Variants in CDH20 observed in about 807,000 individuals in gnomAD.
CDH20 encodes cadherin-20.
In CDH20, 29 loss-of-function variants were observed where a neutral mutation model predicts 74.2. The observed-to-expected ratio is 0.39, with a 90% confidence interval of 0.29 to 0.53. The LOEUF (loss-of-function observed/expected upper bound fraction) is 0.53, where lower values mean the gene tolerates loss of function less well. Ranked by LOEUF, CDH20 falls within the 20% of genes least tolerant of loss-of-function variation. The pLI is 0.69. For missense variants in CDH20, 988 were observed against 1,048.3 expected (o/e 0.94, Z 0.79); for synonymous variants, 469 against 405.4 (o/e 1.16, Z -1.88).
chr18:61,443,263 A>AT (rs1568141424), intron 1 of CDH20, among the ~76,000 whole-genome samples: 2 of 152,044 alleles, frequency 1.3e-5, no homozygotes, highest in Non-Finnish European at 2.9e-5. Context: ...TGGGCCAAAC[A>AT]TGTCCCTTGG....
At chr18:61,548,003 A>G (rs1300993114) in intron 10 of CDH20, among the ~76,000 whole-genome samples, 5 of 152,164 alleles carry the variant, frequency 3.3e-5, no homozygotes, top group Non-Finnish European at 5.9e-5. Flanking sequence ...CACCTGGATT[A>G]AACCAAAAAA....
chr18:61,414,102 C>A (rs981594233), intron 1 of CDH20, among the ~76,000 whole-genome samples: 3 of 152,108 alleles, frequency 2.0e-5, no homozygotes, highest in Non-Finnish European at 4.4e-5. Context: ...TTCTTGTAGA[C>A]TGCATGGTCC....
chr18:61,461,368 G>T (rs1326018754), intron 1 of CDH20, among the ~76,000 whole-genome samples: 2 of 149,778 alleles, frequency 1.3e-5, no homozygotes, highest in Non-Finnish European at 3.0e-5. Context: ...TATTTTCTCA[G>T]TTCTGGAAGG....
intron 1 of CDH20, among the ~76,000 whole-genome samples, chr18:61,397,020 G>A (rs1015565081): frequency 2.0e-5 from 3 of 152,256 alleles, no homozygotes; most frequent in Middle Eastern, 6.8e-3. Context: ...CTGTACTGGG[G>A]CACCAGAGTC....
Position 61,550,102 on chromosome 18 carries a change from C to T in CDH20, c.1773C>T (p.Thr591=), listed in dbSNP as rs769128970. The T allele has an allele frequency of 2.8e-5, 45 of 1,614,134 alleles. No individual in the cohort carries two copies. Among genetic ancestry groups the T allele is most frequent in the African/African-American group, 4.0e-5 (3 of 74,950 alleles). Residue 591 remains threonine (T), a synonymous_variant, in exon 11 of 12, where the codon ACC becomes ACT. Coordinates refer to ENST00000262717, the MANE Select transcript of CDH20 (RefSeq NM_031891.4). The part of the protein sequence containing the change: ...QPVLSSTGTL[T]IQVCSCDDDG... Reference sequence around the variant, plus strand: ...TGCTGAGCAGCACAGGCACACTGACCATCCAAGTGTGCAGCTGTGATGACG... The same window carrying T: ...TGCTGAGCAGCACAGGCACACTGACTATCCAAGTGTGCAGCTGTGATGACG...
chr18:61,405,925 C>T (rs1912315550), intron 1 of CDH20, among the ~76,000 whole-genome samples: 1 of 152,204 alleles, frequency 6.6e-6, no homozygotes, highest in African/African-American at 2.4e-5. Context: ...AAGGTCCCTT[C>T]TTTGTCTGTT....
chr18:61,358,177 T>C (rs966706747), intron 1 of CDH20, among the ~76,000 whole-genome samples: 2 of 151,126 alleles, frequency 1.3e-5, no homozygotes, highest in South Asian at 4.2e-4. Context: ...TGCAGTGGCA[T>C]GATGTCTGCT....
chr18:61,391,655 G>A (rs919924310), intron 1 of CDH20: 1 of 152,034 alleles, frequency 6.6e-6, no homozygotes, highest in African/African-American at 2.4e-5. Context: ...GATTAGCATG[G>A]CCCCTGCGCA....
chr18:61,448,722 T>A (rs1467633248), intron 1 of CDH20, among the ~76,000 whole-genome samples: 1 of 152,224 alleles, frequency 6.6e-6, no homozygotes, highest in Admixed American at 6.5e-5. Flanking sequence ...ATCACCTCCC[T>A]ATCCTGCCAA....
At position 61,540,655 on chromosome 18, in the gene CDH20, T is replaced by G. The variant is rs558424650; in HGVS notation, c.1530+1510T>G. On this transcript the variant is annotated intron_variant, in intron 9 of 11. Transcript: ENST00000262717. ...TCCCTCCCACAACATGTGGGAATTATGGGAGCTATAATTCAAGATGAGATT... is the reference window on the plus strand; with the variant it reads ...TCCCTCCCACAACATGTGGGAATTAGGGGAGCTATAATTCAAGATGAGATT... 3.9e-5 allele frequency among the ~76,000 whole-genome samples: 6 copies of G among 152,288 alleles called. No individual in the cohort carries two copies. The East Asian group carries it at 9.7e-4, about 25-fold the overall frequency.
chr18:61,352,555 C>A, intron 1 of CDH20, among the ~76,000 whole-genome samples: 1 of 152,286 alleles, frequency 6.6e-6, no homozygotes, highest in Middle Eastern at 3.4e-3. Flanking sequence ...ATCACCGTAT[C>A]ATGTCTATAA....
chr18:61,476,848 CT>C (rs1910405684), intron 1 of CDH20, among the ~76,000 whole-genome samples: 1 of 152,122 alleles, frequency 6.6e-6, no homozygotes, highest in Admixed American at 6.5e-5. Flanking sequence ...GGGAATCTCT[CT>C]TTTTTGATAA....
At chr18:61,495,336 T>C (rs190935394) in intron 2 of CDH20, among the ~76,000 whole-genome samples, 128 of 152,332 alleles carry the variant, frequency 8.4e-4, no homozygotes, top group Non-Finnish European at 1.6e-3. Context: ...AAGCGGAATA[T>C]TAAATGTGCA....
chr18:61,462,476 G>C (rs936668324), intron 1 of CDH20, among the ~76,000 whole-genome samples: 15 of 152,152 alleles, frequency 9.9e-5, no homozygotes, highest in Admixed American at 8.5e-4. Context: ...CACAGTCATA[G>C]GTACTAGAGG....
chr18:61,412,691 T>C (rs1912553327), intron 1 of CDH20, among the ~76,000 whole-genome samples: 1 of 152,204 alleles, frequency 6.6e-6, no homozygotes, highest in African/African-American at 2.4e-5. Context: ...TCAAGTGTTA[T>C]AATCAAGCTA....
chr18:61,548,426 T>C (rs1913325291), intron 10 of CDH20, among the ~76,000 whole-genome samples: 1 of 152,094 alleles, frequency 6.6e-6, no homozygotes, highest in Admixed American at 6.5e-5. Flanking sequence ...TGAAAACGAG[T>C]AAGATTATTA....
At chr18:61,396,824 T>A (rs1175742082) in intron 1 of CDH20, among the ~76,000 whole-genome samples, 2 of 152,184 alleles carry the variant, frequency 1.3e-5, no homozygotes, top group Non-Finnish European at 2.9e-5. Flanking sequence ...TTTCCTGGGG[T>A]TGACCTAACA....
At chr18:61,442,045 A>T (rs1229782588) in intron 1 of CDH20, among the ~76,000 whole-genome samples, 1 of 152,166 alleles carries the variant, frequency 6.6e-6, no homozygotes, top group East Asian at 1.9e-4. Flanking sequence ...GCAAGTAAAT[A>T]AGTGAAAACA....
At chr18:61,550,444 A>G (rs1379302561) in intron 11 of CDH20, among the ~76,000 whole-genome samples, 1 of 152,246 alleles carries the variant, frequency 6.6e-6, no homozygotes, top group East Asian at 1.9e-4. Flanking sequence ...ATATACTTAT[A>G]AAGTATCTAC....
Sources: gnomAD v4.1 joint callset for allele counts (sites outside exome capture counted in the v4.1 genomes callset) on GRCh38, gnomAD v4.1.1 for gene constraint, MANE v1.5 for transcripts, NCBI Gene and HGNC (gene_info 2026-07-23, HGNC 2026-07-21) for gene names.